The following ZFTA variants were observed in gnomAD, a reference collection of about 807,000 sequenced individuals.
ZFTA encodes the protein zinc finger translocation associated.
In ZFTA, 35 loss-of-function variants were observed where a neutral mutation model predicts 41.8. That is an observed-to-expected ratio of 0.84 (90% CI 0.64 to 1.11). The LOEUF is 1.11. Ranked by LOEUF, ZFTA falls within the 50% of genes most tolerant of loss-of-function variation. The pLI is 0.00. For missense variants in ZFTA, 964 were observed against 989.8 expected (o/e 0.97, Z 0.35); for synonymous variants, 514 against 436.4 (o/e 1.18, Z -2.22).
rs1356575974 is a variant in ZFTA at position 63,761,844 on chromosome 11, G to C, written c.*1574C>G. 6.6e-6 allele frequency: 1 copy of C among 152,228 alleles called. No homozygotes were observed. Among genetic ancestry groups the C allele is most frequent in the Non-Finnish European group, 1.5e-5 (1 of 68,112 alleles). The allele number at this position is 152,228 out of a possible 1,614,324, so 9.4% of individuals were successfully genotyped here. On this transcript the variant is annotated 3_prime_UTR_variant, in exon 5 of 5. Coordinates refer to ENST00000433688, the MANE Select transcript of ZFTA (RefSeq NM_001144936.2). ...CTTAGGCTCTGGCCTGGGGGTCAGG[G>C]ATGAGAGGAGGGGCCTCCTCTTTGC...
In ZFTA at chr11:63,765,997, G is replaced by A. The variant is rs2014739212; in HGVS notation, c.447C>T (p.His149=). 7 of 1,551,494 alleles carry A rather than the reference G, an allele frequency of 4.5e-6. No individual in the cohort carries two copies. The highest frequency in any genetic ancestry group is 1.4e-5 in the African/African-American group (1 of 73,076). The change falls in exon 2 of 5, where the codon CAC becomes CAT. Residue 149 remains histidine, a synonymous_variant. Transcript: ENST00000433688. The surrounding 1 kb of genome is among the most constrained non-coding windows in gnomAD (Gnocchi z 4.0). ...STIKRHIRQK[H]PYSLHWSPRE... is the part of the protein sequence containing the mutation. ...GGGGACTCCAATGCAAGGAGTAGGG[G>A]TGCTTTTGGCGGATGTGGCGCTTGA...
Position 63,765,898 on chromosome 11 carries a change from C to G in ZFTA, c.546G>C (p.Leu182=). The change falls in exon 2 of 5, where the codon CTG becomes CTC. Residue 182 remains leucine, a synonymous_variant. Coordinates refer to ENST00000433688, the MANE Select transcript of ZFTA (RefSeq NM_001144936.2). This position sits in a 1 kb window ranked among gnomAD's most constrained non-coding sequence, Gnocchi z 4.0. ...GLGACGEAEG[L]GVQGAEEEEE... The stretch of plus-strand genomic sequence containing the variant: ...CCTCCTCCTCAGCCCCCTGGACCCC[C>G]AGGCCCTCGGCCTCTCCGCAGGCCC... 6.5e-7 allele frequency: 1 copy of G among 1,548,960 alleles called. No homozygotes were observed. The highest frequency in any genetic ancestry group is 1.2e-5 in the South Asian group (1 of 83,740).
chr11:63,768,215 G>A (rs928533958), intron 1 of ZFTA, among the ~76,000 whole-genome samples: 1 of 151,546 alleles, frequency 6.6e-6, no homozygotes, highest in Non-Finnish European at 1.5e-5. Context: ...GGGCCCCTCG[G>A]GCCTGGCCCC....
At position 63,766,008 on chromosome 11, in the gene ZFTA, G is replaced by A. The variant is rs1340534827; in HGVS notation, c.436C>T (p.Arg146Cys). Reference protein sequence around the residue: ...LKLSTIKRHIRQKHPYSLHWS... With the variant: ...LKLSTIKRHICQKHPYSLHWS... ...TGCAAGGAGTAGGGGTGCTTTTGGCGGATGTGGCGCTTGATGGTGCTGAGC... is the reference window on the plus strand; with the variant it reads ...TGCAAGGAGTAGGGGTGCTTTTGGCAGATGTGGCGCTTGATGGTGCTGAGC... Residue 146 changes from arginine to cysteine, a missense_variant, in exon 2 of 5, where the codon CGC becomes TGC. Physicochemically the swap from Arg to Cys is radical, Grantham distance 180. This residue lies in a region of ZFTA where 141 missense variants were observed against 216.7 expected (regional missense o/e 0.65). Coordinates refer to ENST00000433688, the MANE Select transcript of ZFTA (RefSeq NM_001144936.2). The A allele has an allele frequency of 3.9e-6, 6 of 1,551,534 alleles. No individual in the cohort carries two copies. The highest frequency in any genetic ancestry group is 2.4e-5 in the East Asian group (1 of 40,916).
At position 63,764,050 on chromosome 11, in the gene ZFTA, C is replaced by T; in HGVS notation, c.1573G>A (p.Glu525Lys). The T allele has an allele frequency of 7.5e-7, 1 of 1,340,270 alleles. No homozygotes were observed. The highest frequency in any genetic ancestry group is 9.5e-7 in the Non-Finnish European group (1 of 1,047,372). 83.0% of individuals were successfully genotyped at this position (1,340,270 alleles called of 1,614,324 possible). A position where few individuals can be genotyped will look rare whatever the true frequency, so the allele number is the denominator to read the frequency against. ...GDEEEEPEEE[E>K]EEWGDVPLSP... ...CCCCACCGCTCACCCCACTCCTCCT[C>T]CTCCTCCTCTGGCTCCTCCTCCTCG... is the stretch of plus-strand genomic sequence containing the variant. Residue 525 changes from glutamate (E) to lysine (K), a missense_variant, in exon 4 of 5, where the codon GAG becomes AAG. By Grantham distance (56) the Glu-to-Lys change is moderately conservative. Transcript: ENST00000433688.
chr11:63,764,119 T>C lies in ZFTA; in HGVS notation c.1504A>G (p.Ile502Val), dbSNP rs2014702976. 1.5e-6 allele frequency: 2 copies of C among 1,327,194 alleles called. No homozygotes were observed. The highest frequency in any genetic ancestry group is 1.9e-6 in the Non-Finnish European group (2 of 1,043,354). The allele number at this position is 1,327,194 out of a possible 1,614,324, so 82.2% of individuals were successfully genotyped here. Residue 502 changes from isoleucine to valine, a missense_variant, in exon 4 of 5, where the codon ATC becomes GTC. Physicochemically the swap from Ile to Val is conservative, Grantham distance 29 (BLOSUM62 3). Coordinates refer to ENST00000433688, the MANE Select transcript of ZFTA (RefSeq NM_001144936.2). ...PPRPESPQGP[I>V]PPGTAAASDE... ...GAGGCTGCGGCAGTGCCGGGGGGGA[T>C]GGGGCCCTGGGGGGACTCGGGGCGG... is the stretch of plus-strand genomic sequence containing the variant.
intron 3 of ZFTA, 87 bp from the exon 4 acceptor site, chr11:63,764,685 C>A (rs1402494351): frequency 6.8e-6 from 9 of 1,325,868 alleles, no homozygotes; most frequent in Non-Finnish European, 8.6e-6. Flanking sequence ...TGGCTCCTCA[C>A]CCCAGCCCCA....
chr11:63,764,181 C>T lies in ZFTA; in HGVS notation c.1442G>A (p.Ser481Asn), dbSNP rs2014704402. ...PVQALIAREW[S>N]EKAAHLLALG... is the part of the protein sequence containing the mutation. The stretch of plus-strand genomic sequence containing the variant: ...GGCCAGCAGGTGGGCGGCCTTCTCG[C>T]TCCACTCCCGGGCGATGAGGGCCTG... The change falls in exon 4 of 5, where the codon AGC becomes AAC. Residue 481 changes from serine (S) to asparagine (N), a missense_variant. By Grantham distance (46) the Ser-to-Asn change is conservative. Around this residue, in one of 5 missense-constraint regions of ZFTA, gnomAD observed 584 missense variants for 523.1 expected, o/e 1.12. Transcript: ENST00000433688. 2 of 1,383,006 alleles carry T rather than the reference C, an allele frequency of 1.4e-6. No individual in the cohort carries two copies. The highest frequency in any genetic ancestry group is 1.5e-5 in the African/African-American group (1 of 65,294). 85.7% of individuals were successfully genotyped at this position (1,383,006 alleles called of 1,614,324 possible).
At chr11:63,768,291 G>A (rs2014779799) in intron 1 of ZFTA, among the ~76,000 whole-genome samples, 193 bp downstream of exon 1, 1 of 149,598 alleles carries the variant, frequency 6.7e-6, no homozygotes, top group Admixed American at 6.6e-5. Context: ...CGAGCCCCGC[G>A]AGCCGACCCC....
Position 63,765,894 on chromosome 11 carries a change from C to T in ZFTA, c.550G>A (p.Val184Ile), listed in dbSNP as rs1311776458. Reference protein sequence around the residue: ...GACGEAEGLGVQGAEEEEEEE... With the variant: ...GACGEAEGLGIQGAEEEEEEE... ...TCCTCCTCCTCCTCAGCCCCCTGGACCCCCAGGCCCTCGGCCTCTCCGCAG... is the reference window on the plus strand; with the variant it reads ...TCCTCCTCCTCCTCAGCCCCCTGGATCCCCAGGCCCTCGGCCTCTCCGCAG... The change falls in exon 2 of 5, where the codon GTC (valine) becomes ATC (isoleucine). Residue 184 changes from valine to isoleucine, a missense_variant. By Grantham distance (29) the Val-to-Ile change is conservative. Around this residue, in one of 5 missense-constraint regions of ZFTA, gnomAD observed 141 missense variants for 216.7 expected, o/e 0.65. Transcript: ENST00000433688. The surrounding 1 kb of genome is among the most constrained non-coding windows in gnomAD (Gnocchi z 4.0). The T allele has an allele frequency of 1.3e-6, 2 of 1,546,566 alleles. No individual in the cohort carries two copies. Among genetic ancestry groups the T allele is most frequent in the African/African-American group, 1.4e-5 (1 of 72,962 alleles).
chr11:63,762,713 G>A lies in ZFTA; in HGVS notation c.*705C>T, dbSNP rs1305839579. 1 of 152,360 alleles carries A rather than the reference G, an allele frequency of 6.6e-6. No individual in the cohort carries two copies. Among genetic ancestry groups the A allele is most frequent in the Non-Finnish European group, 1.5e-5 (1 of 68,174 alleles). The allele number at this position is 152,360 out of a possible 1,614,324, so 9.4% of individuals were successfully genotyped here. A position where few individuals can be genotyped will look rare whatever the true frequency, so the allele number is the denominator to read the frequency against. ...GTGGCAGCGGCCTGGGAGGAGAGTG[G>A]GGCCGCCGGGCGCACGGTTCTCACT... On this transcript the variant is annotated 3_prime_UTR_variant, in exon 5 of 5. Transcript: ENST00000433688.
Position 63,765,715 on chromosome 11 carries a change from C to CAGCA in ZFTA, c.637+91_637+92insTGCT. ...CCCAGAGGAGGAGCAGTGCCTTGCT[C>CAGCA]AAGAACACCAGCTCCTTGGCAGAGC... On this transcript the variant is annotated intron_variant, in intron 2 of 4. Transcript: ENST00000433688. This position sits in a 1 kb window ranked among gnomAD's most constrained non-coding sequence, Gnocchi z 4.0. The CAGCA allele has an allele frequency of 7.1e-7, 1 of 1,416,804 alleles. No homozygotes were observed. The highest frequency in any genetic ancestry group is 9.2e-7 in the Non-Finnish European group (1 of 1,087,086). The allele number at this position is 1,416,804 out of a possible 1,614,324, so 87.8% of individuals were successfully genotyped here.
intron 1 of ZFTA, among the ~76,000 whole-genome samples, chr11:63,766,846 T>A (rs1230495580): frequency 3.3e-5 from 5 of 152,222 alleles, no homozygotes; most frequent in Non-Finnish European, 5.9e-5. Context: ...GGGGATGGGC[T>A]AGGCATTGTC....
chr11:63,765,392 C>A lies in ZFTA; in HGVS notation c.638-138G>T. On this transcript the variant is annotated intron_variant, in intron 2 of 4. Transcript: ENST00000433688. This position sits in a 1 kb window ranked among gnomAD's most constrained non-coding sequence, Gnocchi z 4.0. ...CCTTCTCTTCCTCTCTCCTGAAATC[C>A]TAACTCCCTAAACCCTCCTCTGCTA... 9.8e-7 allele frequency: 1 copy of A among 1,023,222 alleles called. No individual in the cohort carries two copies. Among genetic ancestry groups the A allele is most frequent in the Admixed American group, 3.5e-5 (1 of 28,342 alleles). 63.4% of individuals were successfully genotyped at this position (1,023,222 alleles called of 1,614,324 possible).
chr11:63,766,613 G>T (rs2014750382), intron 1 of ZFTA, among the ~76,000 whole-genome samples: 1 of 152,180 alleles, frequency 6.6e-6, no homozygotes, highest in South Asian at 2.1e-4. Flanking sequence ...GCCCTTTCTG[G>T]ACAAGAGCCG....
chr11:63,767,582 GA>G, intron 1 of ZFTA: 1 of 152,156 alleles, frequency 6.6e-6, no homozygotes, highest in Non-Finnish European at 1.5e-5. Flanking sequence ...TTTAAGAGCC[GA>G]AAAAGGGGGA....
rs747555071 is a variant in ZFTA, at chr11:63,764,041, A to ACTCCTCCTC, written c.1573_1581dup (p.Glu525_Glu527dup). ...CTGCTCTGGCCCCACCGCTCACCCC[A>ACTCCTCCTC]CTCCTCCTCCTCCTCCTCTGGCTCC... On this transcript the variant is annotated inframe_insertion, in exon 4 of 5. Transcript: ENST00000433688. The ACTCCTCCTC allele has an allele frequency of 6.8e-5, 87 of 1,287,708 alleles. No homozygotes were observed. The highest frequency in any genetic ancestry group is 8.3e-5 in the Non-Finnish European group (84 of 1,013,346). The allele number at this position is 1,287,708 out of a possible 1,614,324, so 79.8% of individuals were successfully genotyped here. A position where few individuals can be genotyped will look rare whatever the true frequency, so the allele number is the denominator to read the frequency against.
At position 63,763,818 on chromosome 11, in the gene ZFTA, T is replaced by C; in HGVS notation, c.1637A>G (p.Glu546Gly). 1 of 1,445,100 alleles carries C rather than the reference T, an allele frequency of 6.9e-7. No individual in the cohort carries two copies. The allele number at this position is 1,445,100 out of a possible 1,614,324, so 89.5% of individuals were successfully genotyped here. A position where few individuals can be genotyped will look rare whatever the true frequency, so the allele number is the denominator to read the frequency against. Residue 546 changes from glutamate (E) to glycine (G), a missense_variant, in exon 5 of 5, where the codon GAG (glutamate) becomes GGG (glycine). Physicochemically the swap from Glu to Gly is moderately conservative, Grantham distance 98 (BLOSUM62 -2). Around this residue, in one of 5 missense-constraint regions of ZFTA, gnomAD observed 584 missense variants for 523.1 expected, o/e 1.12. Transcript: ENST00000433688. ...GAPLERPAEE[E>G]EDEEDGQEPG... ...CTCCTGGCCGTCCTCTTCGTCCTCC[T>C]CTTCTTCGGCGGGCCGCTCCAAGGG...
chr11:63,764,842 G>T (rs1283927739), intron 3 of ZFTA, 26 bp downstream of exon 3: 46 of 1,451,600 alleles, frequency 3.2e-5, no homozygotes, highest in Non-Finnish European at 4.1e-5. Flanking sequence ...GTATGAGGGG[G>T]TCTCAGCCTG....
Sources: allele counts gnomAD v4.1 joint callset (sites outside exome capture counted in the v4.1 genomes callset), GRCh38; gene constraint gnomAD v4.1.1; regional missense constraint gnomAD v4.1.1; non-coding constraint Gnocchi (gnomAD v3.1); transcripts MANE v1.5; gene names NCBI Gene and HGNC (gene_info 2026-07-23, HGNC 2026-07-21).